The following BMPR1B variants were observed in gnomAD, a reference collection of about 807,000 sequenced individuals.
The protein encoded by BMPR1B is bone morphogenetic protein receptor type-1B.
In BMPR1B, 12 loss-of-function variants were observed where a neutral mutation model predicts 59.1. The ratio of observed to expected loss-of-function variants is 0.20; its 90% CI spans 0.13 to 0.33. BMPR1B has a LOEUF of 0.33. Ranked by LOEUF, BMPR1B falls within the 10% of genes least tolerant of loss-of-function variation. BMPR1B has a pLI of 1.00. For synonymous variants in BMPR1B, 237 were observed against 207.3 expected, an observed-to-expected ratio of 1.14 and a Z score of -1.23; for missense variants, 550 against 610.9, an observed-to-expected ratio of 0.90 and a Z score of 1.05.
At chr4:95,112,262 C>A (rs755872907) in intron 4 of BMPR1B, among the ~76,000 whole-genome samples, 12 of 152,036 alleles carry the variant, frequency 7.9e-5, no homozygotes, top group Admixed American at 2.0e-4. Context: ...ACTTCCAACA[C>A]TCTGGGAACG....
intron 1 of BMPR1B, among the ~76,000 whole-genome samples, chr4:94,850,604 C>CT (rs139503697): frequency 0.022 from 3,373 of 152,172 alleles, 66 homozygotes; most frequent in Middle Eastern, 0.068. Context: ...AATAGAAAAT[C>CT]TTTTTCCCAT....
At chr4:94,949,308 C>CTTTTTTTTTT (rs1216699208) in intron 2 of BMPR1B, among the ~76,000 whole-genome samples, 6 of 81,956 alleles carry the variant, frequency 7.3e-5, no homozygotes, top group African/African-American at 2.2e-4. Flanking sequence ...TGAACTCATT[C>CTTTTTTTTTT]TTTTTTTTTT....
Position 95,099,602 on chromosome 4 carries a change from G to A in BMPR1B, c.-17-4806G>A, listed in dbSNP as rs570744820. 3.9e-4 allele frequency among the ~76,000 whole-genome samples: 59 copies of A among 151,542 alleles called. No homozygotes were observed. In the South Asian group the frequency reaches 9.5e-3, roughly 25 times the overall value. On this transcript the variant is annotated intron_variant, in intron 3 of 12. Transcript: ENST00000515059. Reference sequence around the variant, plus strand: ...ATACATCTCTCTCTGTTTCACGCGCGCACACGCACACACACGCACACACAC... The same window carrying A: ...ATACATCTCTCTCTGTTTCACGCGCACACACGCACACACACGCACACACAC...
At chr4:94,791,913 G>A (rs940006830) in intron 1 of BMPR1B, among the ~76,000 whole-genome samples, 2 of 147,276 alleles carry the variant, frequency 1.4e-5, no homozygotes. Flanking sequence ...TTTCCTAACC[G>A]CATCTTTGCT....
chr4:94,960,178 A>G (rs1730299462), intron 2 of BMPR1B, among the ~76,000 whole-genome samples: 1 of 152,160 alleles, frequency 6.6e-6, no homozygotes, highest in African/African-American at 2.4e-5. Flanking sequence ...TTATCTTTTA[A>G]GGAAAGTCAA....
chr4:94,846,840 C>G (rs901866963), intron 1 of BMPR1B, among the ~76,000 whole-genome samples: 1 of 91,390 alleles, frequency 1.1e-5, no homozygotes, highest in Non-Finnish European at 2.1e-5. Flanking sequence ...GACTGTGAAA[C>G]TACTCAAAAA....
chr4:94,835,048 T>G (rs959603998), intron 1 of BMPR1B, among the ~76,000 whole-genome samples: 2 of 152,036 alleles, frequency 1.3e-5, no homozygotes, highest in Non-Finnish European at 2.9e-5. Flanking sequence ...TTCTGGGCTC[T>G]TTTAGGAAGA....
At chr4:95,034,271 G>A (rs1316574290) in intron 3 of BMPR1B, among the ~76,000 whole-genome samples, 1 of 151,820 alleles carries the variant, frequency 6.6e-6, no homozygotes, top group Admixed American at 6.6e-5. Context: ...ATGTTTATTG[G>A]ATACATGAGA....
chr4:95,096,443 T>C (rs1474930465), intron 3 of BMPR1B, among the ~76,000 whole-genome samples: 1 of 151,330 alleles, frequency 6.6e-6, no homozygotes. Flanking sequence ...GCCTGAAAAA[T>C]CTGTAAATCT....
intron 2 of BMPR1B, among the ~76,000 whole-genome samples, chr4:94,970,982 A>G (rs1248496662): frequency 6.6e-6 from 1 of 152,170 alleles, no homozygotes; most frequent in Non-Finnish European, 1.5e-5. Context: ...AATACATTTT[A>G]CAGTCACTGA....
intron 1 of BMPR1B, among the ~76,000 whole-genome samples, chr4:94,779,497 T>C (rs1402918236): frequency 6.6e-6 from 1 of 152,226 alleles, no homozygotes; most frequent in Non-Finnish European, 1.5e-5. Context: ...CTATTAAGAA[T>C]GATAACTGAT....
intron 1 of BMPR1B, among the ~76,000 whole-genome samples, chr4:94,835,229 T>G (rs2148927839): frequency 6.6e-6 from 1 of 152,228 alleles, no homozygotes; most frequent in African/African-American, 2.4e-5. Flanking sequence ...TTTTCAAAGG[T>G]GGGGTTAAGT....
At chr4:95,114,645 GACACACACAC>G in intron 4 of BMPR1B, 65 bp from the exon 5 acceptor site, 5 of 990,132 alleles carry the variant, frequency 5.0e-6, no homozygotes, top group South Asian at 2.6e-5. Context: ...TTTTCCCCTA[GACACACACAC>G]ACACACACAC....
chr4:95,065,265 C>G (rs1727712608), intron 3 of BMPR1B, among the ~76,000 whole-genome samples: 1 of 152,102 alleles, frequency 6.6e-6, no homozygotes. Context: ...GTTGTGTTTT[C>G]TATTTACATG....
chr4:95,123,366 A>G (rs549694107), intron 6 of BMPR1B, among the ~76,000 whole-genome samples: 185 of 152,240 alleles, frequency 1.2e-3, no homozygotes, highest in Admixed American at 3.7e-3. Context: ...ACAACGAGTT[A>G]TGTTTTATGT....
chr4:94,960,781 C>T (rs1272459208), intron 2 of BMPR1B, among the ~76,000 whole-genome samples: 2 of 152,016 alleles, frequency 1.3e-5, no homozygotes, highest in African/African-American at 2.4e-5. Flanking sequence ...TATTGAGCCA[C>T]TTACTTTGAA....
intron 2 of BMPR1B, among the ~76,000 whole-genome samples, chr4:94,923,186 C>A (rs1728769017): frequency 6.6e-6 from 1 of 152,082 alleles, no homozygotes; most frequent in Non-Finnish European, 1.5e-5. Flanking sequence ...TCCTTCTCTT[C>A]ATTTTTTATG....
intron 2 of BMPR1B, among the ~76,000 whole-genome samples, chr4:94,876,525 T>C (rs1384491233): frequency 6.6e-6 from 1 of 152,238 alleles, no homozygotes; most frequent in African/African-American, 2.4e-5. Context: ...ATTCAATTTG[T>C]TCTTCACAAG....
Position 94,984,541 on chromosome 4 carries a change from A to G in BMPR1B, c.-112-11499A>G, listed in dbSNP as rs570463610. Among the ~76,000 whole-genome samples, 5 of 152,320 alleles carry G rather than the reference A, an allele frequency of 3.3e-5. No individual in the cohort carries two copies. In the East Asian group the frequency reaches 5.8e-4, roughly 18 times the overall value. ...CCCCTTCAGATTGTATCCTTCTTCA[A>G]AATCTCTACAGTACTACTATGCATA... On this transcript the variant is annotated intron_variant, in intron 2 of 12. Transcript: ENST00000515059.
Sources: gnomAD v4.1 joint callset for allele counts (sites outside exome capture counted in the v4.1 genomes callset) on GRCh38, gnomAD v4.1.1 for gene constraint, MANE v1.5 for transcripts, NCBI Gene and HGNC (gene_info 2026-07-23, HGNC 2026-07-21) for gene names.